ANK3: variants seen among roughly 807,000 people sequenced by gnomAD.
ANK3 encodes ankyrin-3.
ANK3 carries 57 observed loss-of-function variants against 370.9 expected under a neutral mutation model. The ratio of observed to expected loss-of-function variants is 0.15; its 90% CI spans 0.12 to 0.19. The LOEUF (loss-of-function observed/expected upper bound fraction) is 0.19. ANK3 is among the 10% of genes least tolerant of loss of function. The pLI is 1.00. For missense variants in ANK3, 4,439 were observed against 5,302.1 expected, an observed-to-expected ratio of 0.84 and a Z score of 5.06; for synonymous variants, 1,929 against 1,946.3, an observed-to-expected ratio of 0.99 and a Z score of 0.23.
rs747749411 is a variant in ANK3, at chr10:60,263,204, T to C, written c.699+631A>G. Among the ~76,000 whole-genome samples the C allele has an allele frequency of 2.6e-5, 4 of 152,178 alleles. No individual in the cohort carries two copies. In the South Asian group the frequency reaches 8.3e-4, roughly 31 times the overall value. On this transcript the variant is annotated intron_variant, in intron 6 of 43. Coordinates refer to ENST00000280772, the MANE Select transcript of ANK3 (RefSeq NM_020987.5). ...AGGAAAAAATGAACGGTTAGTTCAC[T>C]ATTGGTGATATGGATTGCAGAAAGC... is the stretch of plus-strand genomic sequence containing the variant.
rs5785442 is a variant in ANK3, at chr10:60,382,797, C to CTATATATATA, written c.114+6618_114+6627dup. On this transcript the variant is annotated intron_variant, in intron 1 of 43. Transcript: ENST00000280772. ...TTCGATATTTAACCTATACCTAAATCTATATATATATATATATATATATAT... is the reference window on the plus strand; with the variant it reads ...TTCGATATTTAACCTATACCTAAATCTATATATATATATATATATATATATATATATATAT... Among the ~76,000 whole-genome samples the CTATATATATA allele has an allele frequency of 7.8e-3, 1,048 of 133,660 alleles. 14 individuals carry two copies. Among genetic ancestry groups the CTATATATATA allele is most frequent in the Non-Finnish European group, 0.011 (713 of 62,070 alleles). 87.7% of individuals were successfully genotyped at this position (133,660 alleles called of 152,430 possible).
intron 1 of ANK3, among the ~76,000 whole-genome samples, chr10:60,381,004 G>A (rs1240183633): frequency 6.6e-6 from 1 of 152,162 alleles, no homozygotes; most frequent in East Asian, 1.9e-4. Flanking sequence ...AGGTACAACA[G>A]ATAAGTCTAC....
intron 2 of ANK3, among the ~76,000 whole-genome samples, chr10:60,527,428 G>C (rs1160294912): frequency 6.6e-6 from 1 of 151,836 alleles, no homozygotes; most frequent in African/African-American, 2.4e-5. Flanking sequence ...GAGAGAGAAG[G>C]GTTCAGAAAT....
chr10:60,136,211 C>G (rs541786296), intron 24 of ANK3, among the ~76,000 whole-genome samples: 40 of 151,994 alleles, frequency 2.6e-4, no homozygotes, highest in Admixed American at 5.3e-4. Flanking sequence ...CAACACTGTC[C>G]AACAGAACTT....
intron 1 of ANK3, among the ~76,000 whole-genome samples, chr10:60,320,153 C>G (rs2048318399): frequency 6.6e-6 from 1 of 152,202 alleles, no homozygotes; most frequent in South Asian, 2.1e-4. Flanking sequence ...TACAATTTCT[C>G]TTTTGGAGTA....
At chr10:60,033,653 G>GT (rs1000868416) in intron 43 of ANK3, among the ~76,000 whole-genome samples, 2 of 151,690 alleles carry the variant, frequency 1.3e-5, no homozygotes, top group African/African-American at 4.8e-5. Flanking sequence ...GAACTGACTT[G>GT]TTTTTTATAG....
At chr10:60,142,536 T>A (rs1263675906) in intron 23 of ANK3, among the ~76,000 whole-genome samples, 2 of 151,682 alleles carry the variant, frequency 1.3e-5, no homozygotes, top group Non-Finnish European at 2.9e-5. Flanking sequence ...ATCTTTTAAA[T>A]CTACATGTCA....
In ANK3 at chr10:60,440,283, C is replaced by A. The variant is rs147121047; in HGVS notation, c.97-160644G>T. 7.8e-4 allele frequency among the ~76,000 whole-genome samples: 119 copies of A among 152,108 alleles called. 3 individuals are homozygous for A. The highest frequency in any genetic ancestry group is 2.8e-3 in the African/African-American group (116 of 41,486). ...GTAGTAGTCCACTCTCACCCTGCTA[C>A]AAAGAATAACCAAGACTGGGTAATT... On this transcript the variant is annotated intron_variant, in intron 2 of 43. Coordinates refer to the ANK3 transcript ENST00000373827.
chr10:60,699,369 C>T (rs2079515709), intron 1 of ANK3, among the ~76,000 whole-genome samples: 1 of 152,032 alleles, frequency 6.6e-6, no homozygotes, highest in Admixed American at 6.6e-5. Context: ...AACTAATATT[C>T]AAAGAAGACA....
intron 24 of ANK3, chr10:60,138,610 C>T: frequency 2.3e-6 from 1 of 438,894 alleles, no homozygotes. Context: ...CACTTATTAG[C>T]AAATAATACT....
At chr10:60,566,819 G>A (rs914827657) in intron 2 of ANK3, among the ~76,000 whole-genome samples, 3 of 152,176 alleles carry the variant, frequency 2.0e-5, no homozygotes, top group Non-Finnish European at 4.4e-5. Context: ...AGGCTGTGGT[G>A]AGCTATGATC....
chr10:60,055,298 C>T (rs2078944380), intron 42 of ANK3, among the ~76,000 whole-genome samples: 1 of 152,138 alleles, frequency 6.6e-6, no homozygotes. Flanking sequence ...TAAGGAAGAA[C>T]ACGGAGTGGG....
At chr10:60,471,792 C>T (rs1020460849) in intron 2 of ANK3, among the ~76,000 whole-genome samples, 3 of 151,984 alleles carry the variant, frequency 2.0e-5, no homozygotes, top group African/African-American at 7.2e-5. Context: ...TACTAAAATG[C>T]TAAACAGGAC....
In ANK3 at chr10:60,205,893, G is replaced by A. The variant is rs767399146; in HGVS notation, c.1195-3C>T. On this transcript the variant is annotated splice_region_variant and splice_polypyrimidine_tract_variant and intron_variant, in intron 10 of 43. Coordinates refer to ENST00000280772, the MANE Select transcript of ANK3 (RefSeq NM_020987.5). ...ATATGAAGAGGGGTAAAGCCATTCTGCAAGGGACAAATACATATACCTGCT... is the reference window on the plus strand; with the variant it reads ...ATATGAAGAGGGGTAAAGCCATTCTACAAGGGACAAATACATATACCTGCT... 1 of 1,587,598 alleles carries A rather than the reference G, an allele frequency of 6.3e-7. No homozygotes were observed. Among genetic ancestry groups the A allele is most frequent in the Non-Finnish European group, 8.7e-7 (1 of 1,155,800 alleles).
Position 60,389,173 on chromosome 10 carries a change from A to G in ANK3, c.114+252T>C, listed in dbSNP as rs147035152. On this transcript the variant is annotated intron_variant, in intron 1 of 43. Coordinates refer to ENST00000280772, the MANE Select transcript of ANK3 (RefSeq NM_020987.5). Reference sequence around the variant, plus strand: ...CTTTCCATGTCATGGAAACATGCCCATGCCTATATAAAGTGAAGCACACTT... The same window carrying G: ...CTTTCCATGTCATGGAAACATGCCCGTGCCTATATAAAGTGAAGCACACTT... Among the ~76,000 whole-genome samples the G allele has an allele frequency of 3.9e-5, 6 of 152,238 alleles. No homozygotes were observed. The East Asian group carries it at 1.2e-3, about 30-fold the overall frequency.
intron 2 of ANK3, among the ~76,000 whole-genome samples, chr10:60,468,505 T>A (rs1017838856): frequency 2.0e-5 from 3 of 152,108 alleles, no homozygotes. Context: ...AATTTTCAAG[T>A]AAAATAGCAA....
intron 10 of ANK3, among the ~76,000 whole-genome samples, chr10:60,206,245 G>A (rs1192719225): frequency 6.6e-6 from 1 of 152,128 alleles, no homozygotes; most frequent in Non-Finnish European, 1.5e-5. Context: ...GGCTGAGGTG[G>A]GTGGATCACC....
chr10:60,542,490 C>T (rs1022266494), intron 2 of ANK3, among the ~76,000 whole-genome samples: 10 of 151,678 alleles, frequency 6.6e-5, no homozygotes, highest in African/African-American at 2.4e-4. Flanking sequence ...AAGACAAATC[C>T]CGCAGGTTTA....
intron 42 of ANK3, chr10:60,051,662 T>TTA: frequency 3.1e-4 from 109 of 350,934 alleles, no homozygotes; most frequent in Non-Finnish European, 3.8e-4. Context: ...TGATGTTTTC[T>TTA]TCTTTTTTTT....
Sources: gnomAD v4.1 joint callset for allele counts (sites outside exome capture counted in the v4.1 genomes callset) on GRCh38, gnomAD v4.1.1 for gene constraint, MANE v1.5 for transcripts, NCBI Gene and HGNC (gene_info 2026-07-23, HGNC 2026-07-21) for gene names.